The following EI24 variants were observed in gnomAD, a reference collection of about 807,000 sequenced individuals.
EI24 encodes etoposide-induced protein 2.4 homolog.
In EI24, 21 loss-of-function variants were observed where a neutral mutation model predicts 48.6. That is an observed-to-expected ratio of 0.43 (90% CI 0.31 to 0.62). The LOEUF is 0.62. Ranked by LOEUF, EI24 falls within the 20% of genes least tolerant of loss-of-function variation. The probability of loss-of-function intolerance (pLI) is 0.10; values close to 1 mark genes in which losing one functional copy is unlikely to be tolerated. For synonymous variants in EI24, 114 were observed against 145.5 expected, an observed-to-expected ratio of 0.78 and a Z score of 1.56; for missense variants, 280 against 410.5, an observed-to-expected ratio of 0.68 and a Z score of 2.75.
At chr11:125,580,362 G>C (rs1029290929) in intron 8 of EI24, among the ~76,000 whole-genome samples, 158 bp downstream of exon 8, 1 of 152,172 alleles carries the variant, frequency 6.6e-6, no homozygotes, top group African/African-American at 2.4e-5. Context: ...GGCTTAGTGG[G>C]TTTAACTCTC....
At chr11:125,582,323 TTC>T (rs1441151583) in intron 9 of EI24, 21 bp from the exon 10 acceptor site, 10 of 1,484,156 alleles carry the variant, frequency 6.7e-6, no homozygotes, top group East Asian at 2.4e-5. Flanking sequence ...GACTAATTAT[TTC>T]TTTTTTTTTT....
intron 2 of EI24, among the ~76,000 whole-genome samples, chr11:125,573,155 C>T (rs150220913): frequency 0.045 from 6,832 of 152,136 alleles, 191 homozygotes; most frequent in Middle Eastern, 0.082. Context: ...ATCCACCCGC[C>T]TTGTCCTCCC....
chr11:125,579,085 G>A lies in EI24; in HGVS notation c.561+17G>A, dbSNP rs11220134. On this transcript the variant is annotated intron_variant, in intron 7 of 10. Coordinates refer to ENST00000278903, the MANE Select transcript of EI24 (RefSeq NM_004879.5). ...CTCATTCAGGTGAGACTGACCTTCT[G>A]GGCATATGGGCAGCTTTATTAAAAA... is the stretch of plus-strand genomic sequence containing the variant. 8.8e-3 allele frequency: 13,601 copies of A among 1,549,788 alleles called. 94 individuals carry two copies. Among genetic ancestry groups the A allele is most frequent in the Non-Finnish European group, 0.01 (11,986 of 1,147,256 alleles).
At position 125,580,080 on chromosome 11, in the gene EI24, A is replaced by G. The variant is rs771776828; in HGVS notation, c.562-13A>G. 9.4e-6 allele frequency: 15 copies of G among 1,601,708 alleles called. No individual in the cohort carries two copies. The highest frequency in any genetic ancestry group is 3.3e-5 in the Admixed American group (2 of 59,956). On this transcript the variant is annotated splice_polypyrimidine_tract_variant and intron_variant, in intron 7 of 10. Coordinates refer to ENST00000278903, the MANE Select transcript of EI24 (RefSeq NM_004879.5). ...AGGCTTTGGGATTAAGATTTTCCATATTTGTTCTTCAGGGAATGTTTGTGA... is the reference window on the plus strand; with the variant it reads ...AGGCTTTGGGATTAAGATTTTCCATGTTTGTTCTTCAGGGAATGTTTGTGA...
At chr11:125,577,868 G>A (rs1444328704) in intron 5 of EI24, 1 of 580,238 alleles carries the variant, frequency 1.7e-6, no homozygotes, top group Non-Finnish European at 3.1e-6. Flanking sequence ...ATAGCGTACT[G>A]GTAATCACTG....
At chr11:125,569,599 G>A in intron 1 of EI24, 26 bp downstream of exon 1, 1 of 363,620 alleles carries the variant, frequency 2.8e-6, no homozygotes, top group South Asian at 1.5e-4. Context: ...GCCGAGCTAG[G>A]CCTCGGGGCC....
Position 125,583,654 on chromosome 11 carries a change from GC to G in EI24, c.996del (p.Lys333AsnfsTer2). ...GTTCCCTTCACCGCATCCGTCGCCT[GC>G]CAAACTGAAGGCTACTGCAGGTCAC... Reference protein sequence around the residue: ...EKFPSPHPSPAKLKATAGH With the variant: ...EKFPSPHPSPXKLKATAGH On this transcript the variant is annotated frameshift_variant, in exon 11 of 11. Coordinates refer to ENST00000278903, the MANE Select transcript of EI24 (RefSeq NM_004879.5). LOFTEE classifies it high-confidence loss of function. 6.2e-7 allele frequency: 1 copy of G among 1,613,144 alleles called. No individual in the cohort carries two copies. The highest frequency in any genetic ancestry group is 8.5e-7 in the Non-Finnish European group (1 of 1,179,574).
chr11:125,583,636 T>C lies in EI24; in HGVS notation c.976T>C (p.Ser326Pro), dbSNP rs755968101. The C allele has an allele frequency of 6.2e-7, 1 of 1,613,382 alleles. No individual in the cohort carries two copies. Among genetic ancestry groups the C allele is most frequent in the East Asian group, 2.2e-5 (1 of 44,850 alleles). ...CTCTACTTCTGCAGAGAAGTTCCCTTCACCGCATCCGTCGCCTGCCAAACT... is the reference window on the plus strand; with the variant it reads ...CTCTACTTCTGCAGAGAAGTTCCCTCCACCGCATCCGTCGCCTGCCAAACT... Reference protein sequence around the residue: ...SSSTSAEKFPSPHPSPAKLKA... With the variant: ...SSSTSAEKFPPPHPSPAKLKA... The change falls in exon 11 of 11, where the codon TCA (serine) becomes CCA (proline). Residue 326 changes from serine to proline, a missense_variant. Physicochemically the swap from Ser to Pro is moderately conservative, Grantham distance 74. This residue lies in a region of EI24 where 62 missense variants were observed against 65.1 expected (regional missense o/e 0.95). Coordinates refer to ENST00000278903, the MANE Select transcript of EI24 (RefSeq NM_004879.5).
At chr11:125,579,338 AT>A (rs1938888841) in intron 7 of EI24, among the ~76,000 whole-genome samples, 1 of 151,430 alleles carries the variant, frequency 6.6e-6, no homozygotes, top group Non-Finnish European at 1.5e-5. Context: ...TTTTCTTTTT[AT>A]AGTTATGCCT....
chr11:125,575,323 C>G lies in EI24; in HGVS notation c.103C>G (p.Gln35Glu), dbSNP rs1015595415. The change falls in exon 3 of 11, where the codon CAA (glutamine) becomes GAA (glutamate). Residue 35 changes from glutamine to glutamate, a missense_variant. Around this residue, in one of 3 missense-constraint regions of EI24, gnomAD observed 204 missense variants for 294.1 expected, o/e 0.69. Coordinates refer to ENST00000278903, the MANE Select transcript of EI24 (RefSeq NM_004879.5). The stretch of plus-strand genomic sequence containing the variant: ...CTCAAAGCTAGATGCTCGAATCCAG[C>G]AAAAGAGAGAGGAGCAGCGTCGAAG... ...TISKLDARIQQKREEQRRRRA... is the reference protein window; with the variant it reads ...TISKLDARIQEKREEQRRRRA... The G allele has an allele frequency of 6.4e-7, 1 of 1,568,464 alleles. No homozygotes were observed. The highest frequency in any genetic ancestry group is 1.4e-5 in the African/African-American group (1 of 73,784).
intron 4 of EI24, among the ~76,000 whole-genome samples, chr11:125,577,138 C>A (rs181456871): frequency 6.6e-6 from 1 of 152,294 alleles, no homozygotes; most frequent in East Asian, 1.9e-4. Flanking sequence ...GTTGCTCAGG[C>A]TGGAGTGCAG....
At chr11:125,572,357 A>T (rs886708313) in intron 1 of EI24, 101 bp from the exon 2 acceptor site, 7 of 641,758 alleles carry the variant, frequency 1.1e-5, no homozygotes, top group Admixed American at 2.5e-5. Flanking sequence ...CTGCTATCTT[A>T]CTAGAGCTAC....
intron 9 of EI24, among the ~76,000 whole-genome samples, 194 bp downstream of exon 9, chr11:125,581,516 T>G: frequency 6.7e-6 from 1 of 149,698 alleles, no homozygotes; most frequent in Admixed American, 6.7e-5. Context: ...TTTTTCTATG[T>G]TGCCTCCTGA....
chr11:125,580,420 C>G (rs1938945704), intron 8 of EI24, among the ~76,000 whole-genome samples: 1 of 152,100 alleles, frequency 6.6e-6, no homozygotes, highest in Non-Finnish European at 1.5e-5. Flanking sequence ...CTTTTTGGTG[C>G]TTAACATGGT....
intron 2 of EI24, among the ~76,000 whole-genome samples, chr11:125,573,871 G>A (rs1197780633): frequency 2.0e-5 from 3 of 151,372 alleles, no homozygotes; most frequent in African/African-American, 7.3e-5. Flanking sequence ...TAGTAGAGAC[G>A]GAGTTTCACC....
In EI24 at chr11:125,569,489, G is replaced by C. The variant is rs1938442790; in HGVS notation, c.-155G>C. ...CCCGGGCATGCCCAGTGCGGGCGCA[G>C]CGGCCCCGGCCCTGGAAGCGCCCCG... is the stretch of plus-strand genomic sequence containing the variant. On this transcript the variant is annotated 5_prime_UTR_variant, in exon 1 of 11. Coordinates refer to ENST00000278903, the MANE Select transcript of EI24 (RefSeq NM_004879.5). The C allele has an allele frequency of 2.6e-6, 1 of 383,904 alleles. No individual in the cohort carries two copies. The highest frequency in any genetic ancestry group is 1.3e-4 in the South Asian group (1 of 7,642). 23.8% of individuals were successfully genotyped at this position (383,904 alleles called of 1,614,324 possible).
At chr11:125,574,996 CAGG>C (rs1555053103) in intron 2 of EI24, among the ~76,000 whole-genome samples, 1 of 152,026 alleles carries the variant, frequency 6.6e-6, no homozygotes, top group Non-Finnish European at 1.5e-5. Flanking sequence ...GAGGCTTAGG[CAGG>C]AGGATTGCTT....
chr11:125,582,510 ATTCTT>A, intron 10 of EI24, 90 bp downstream of exon 10: 1 of 997,980 alleles, frequency 1.0e-6, no homozygotes, highest in Non-Finnish European at 1.4e-6. Context: ...AAAAAAAAAA[ATTCTT>A]ACTGTAGGAA....
chr11:125,583,552 G>T lies in EI24; in HGVS notation c.892G>T (p.Val298Phe). The T allele has an allele frequency of 6.2e-7, 1 of 1,606,394 alleles. No homozygotes were observed. The highest frequency in any genetic ancestry group is 8.5e-7 in the Non-Finnish European group (1 of 1,176,272). ...CCAGTTGCGCCTCTTCTCCTTGGTG[G>T]TCTTCTTAAGCAACAGACTCTTCCA... ...LFQLRLFSLV[V>F]FLSNRLFHKT... The change falls in exon 11 of 11, where the codon GTC becomes TTC. Residue 298 changes from valine (V) to phenylalanine (F), a missense_variant. Physicochemically the swap from Val to Phe is conservative, Grantham distance 50. Around this residue, in one of 3 missense-constraint regions of EI24, gnomAD observed 62 missense variants for 65.1 expected, o/e 0.95. Coordinates refer to ENST00000278903, the MANE Select transcript of EI24 (RefSeq NM_004879.5).
Sources: gnomAD v4.1 joint callset for allele counts (sites outside exome capture counted in the v4.1 genomes callset) on GRCh38, gnomAD v4.1.1 for gene constraint, gnomAD v4.1.1 regional missense constraint, MANE v1.5 for transcripts, NCBI Gene and HGNC (gene_info 2026-07-23, HGNC 2026-07-21) for gene names.